CASR: variants seen among roughly 807,000 people sequenced by gnomAD.
CASR encodes extracellular calcium-sensing receptor.
A neutral mutation model predicts 69.1 loss-of-function variants in CASR; 23 were observed. The ratio of observed to expected loss-of-function variants is 0.33; its 90% CI spans 0.24 to 0.47. The LOEUF is 0.47. Ranked by LOEUF, CASR falls within the 20% of genes least tolerant of loss-of-function variation. The pLI is 1.00. For missense variants in CASR, 924 were observed against 1,356.1 expected, an observed-to-expected ratio of 0.68 and a Z score of 5.00; for synonymous variants, 541 against 544.7, an observed-to-expected ratio of 0.99 and a Z score of 0.10.
intron 1 of CASR, among the ~76,000 whole-genome samples, chr3:122,218,528 C>A (rs895381753): frequency 8.1e-6 from 1 of 123,804 alleles, no homozygotes. Flanking sequence ...GGCAACAGAG[C>A]GAGACTCTGT....
At chr3:122,196,776 A>T (rs982789067) in intron 1 of CASR, among the ~76,000 whole-genome samples, 16 of 151,998 alleles carry the variant, frequency 1.1e-4, no homozygotes, top group Non-Finnish European at 2.1e-4. Context: ...TTAATAGGAA[A>T]ATTGTCTGCA....
At chr3:122,203,841 A>G (rs973173616) in intron 1 of CASR, among the ~76,000 whole-genome samples, 1 of 152,222 alleles carries the variant, frequency 6.6e-6, no homozygotes, top group Non-Finnish European at 1.5e-5. Flanking sequence ...TGGGACCACC[A>G]TGGTATATGC....
intron 1 of CASR, among the ~76,000 whole-genome samples, chr3:122,236,465 T>G (rs375546857): frequency 8.5e-5 from 13 of 152,168 alleles, no homozygotes; most frequent in Admixed American, 5.9e-4. Flanking sequence ...GGAACAAAAT[T>G]CATAATGAAT....
At chr3:122,223,504 A>G (rs1374626903) in intron 1 of CASR, among the ~76,000 whole-genome samples, 1 of 152,184 alleles carries the variant, frequency 6.6e-6, no homozygotes, top group Non-Finnish European at 1.5e-5. Flanking sequence ...ACAGGAAAAA[A>G]TTGAAACCTT....
In CASR at chr3:122,288,908, T is replaced by G. The variant is rs2074990283; in HGVS notation, c.*3717T>G. The G allele has an allele frequency of 6.6e-6, 1 of 152,126 alleles. No individual in the cohort carries two copies. The highest frequency in any genetic ancestry group is 2.1e-4 in the South Asian group (1 of 4,832). 9.4% of individuals were successfully genotyped at this position (152,126 alleles called of 1,614,324 possible). A position where few individuals can be genotyped will look rare whatever the true frequency, so the allele number is the denominator to read the frequency against. ...ACTCAAATGAAAGTGTCCTAGAAGA[T>G]TTTAAGAATTTAGGTTGGAAATTTA... is the stretch of plus-strand genomic sequence containing the variant. On this transcript the variant is annotated 3_prime_UTR_variant, in exon 7 of 7. Coordinates refer to ENST00000639785, the MANE Select transcript of CASR (RefSeq NM_000388.4).
chr3:122,201,002 TTTA>T lies in CASR; in HGVS notation c.-243+17193_-243+17195del, dbSNP rs1473361689. ...TTTTGCCCATTGCTTTTCTTTTTTT[TTTA>T]TTTTTTTTTTTTTTATTGATCATTC... is the stretch of plus-strand genomic sequence containing the variant. On this transcript the variant is annotated intron_variant, in intron 1 of 6. Transcript: ENST00000639785. Among the ~76,000 whole-genome samples the T allele has an allele frequency of 4.5e-4, 29 of 63,982 alleles. 1 individual carries two copies. The highest frequency in any genetic ancestry group is 1.0e-3 in the Non-Finnish European group (24 of 23,628). The allele number at this position is 63,982 out of a possible 152,430, so 42.0% of individuals were successfully genotyped here.
chr3:122,184,542 A>G (rs1186084219), intron 1 of CASR: 1 of 156,802 alleles, frequency 6.4e-6, no homozygotes, highest in Non-Finnish European at 1.4e-5. Flanking sequence ...AGGACCGGGG[A>G]ACCCAAGGAG....
chr3:122,213,422 C>G (rs1480398384), intron 1 of CASR, among the ~76,000 whole-genome samples: 2 of 152,224 alleles, frequency 1.3e-5, no homozygotes, highest in Non-Finnish European at 2.9e-5. Context: ...CATGTCCTGA[C>G]TAGAGTTCTC....
At chr3:122,267,651 G>A (rs1395603161) in intron 4 of CASR, among the ~76,000 whole-genome samples, 2 of 152,230 alleles carry the variant, frequency 1.3e-5, no homozygotes, top group Non-Finnish European at 1.5e-5. Context: ...AGTGGGTAGA[G>A]GTTGACTTTC....
chr3:122,202,091 G>T (rs562785550), intron 1 of CASR, among the ~76,000 whole-genome samples: 1 of 152,036 alleles, frequency 6.6e-6, no homozygotes, highest in South Asian at 2.1e-4. Flanking sequence ...AGGTTGTAGC[G>T]AGCCGAGATC....
rs117760834 is a variant in CASR, at chr3:122,222,485, T to C, written c.-242-31463T>C. ...CAACAACAATCTAAAAGGTCAATAA[T>C]AATAATAATCCTTTCTTAGTAGTAG... On this transcript the variant is annotated intron_variant, in intron 1 of 6. Transcript: ENST00000639785. Among the ~76,000 whole-genome samples the C allele has an allele frequency of 2.1e-4, 32 of 152,266 alleles. No individual in the cohort carries two copies. The East Asian group carries it at 5.4e-3, about 26-fold the overall frequency.
intron 1 of CASR, among the ~76,000 whole-genome samples, chr3:122,218,068 C>G (rs565990542): frequency 3.3e-5 from 5 of 151,924 alleles, no homozygotes; most frequent in Admixed American, 2.0e-4. Flanking sequence ...GTGATTCAAA[C>G]AAGATGAACA....
At chr3:122,227,764 T>C (rs1411583054) in intron 1 of CASR, among the ~76,000 whole-genome samples, 1 of 152,068 alleles carries the variant, frequency 6.6e-6, no homozygotes, top group Non-Finnish European at 1.5e-5. Flanking sequence ...GGTTGAAAGC[T>C]GCCTATAGTA....
intron 1 of CASR, among the ~76,000 whole-genome samples, chr3:122,189,158 C>T (rs760963211): frequency 6.6e-6 from 1 of 152,324 alleles, no homozygotes; most frequent in East Asian, 1.9e-4. Context: ...CAGCCTCTGC[C>T]GTGGACAGTC....
At chr3:122,220,679 A>G (rs959689947) in intron 1 of CASR, among the ~76,000 whole-genome samples, 3 of 152,240 alleles carry the variant, frequency 2.0e-5, no homozygotes, top group African/African-American at 7.2e-5. Flanking sequence ...ACATTAAAAT[A>G]TTAAGGACTT....
intron 1 of CASR, among the ~76,000 whole-genome samples, chr3:122,192,073 A>G (rs960862334): frequency 4.6e-5 from 7 of 152,238 alleles, no homozygotes; most frequent in African/African-American, 1.7e-4. Flanking sequence ...ATGCCCAATG[A>G]TGTTCTTCAC....
chr3:122,282,082 G>T, intron 5 of CASR, 31 bp from the exon 6 acceptor site: 1 of 1,614,182 alleles, frequency 6.2e-7, no homozygotes, highest in Non-Finnish European at 8.5e-7. Flanking sequence ...TACAACTACA[G>T]CCACTCACCT....
intron 1 of CASR, 22 bp downstream of exon 1, chr3:122,183,834 T>G (rs1395331415): frequency 6.6e-6 from 1 of 152,144 alleles, no homozygotes; most frequent in African/African-American, 2.4e-5. Context: ...GGCACGCGAT[T>G]TGTATTTATT....
chr3:122,187,660 G>A (rs1041810931), intron 1 of CASR, among the ~76,000 whole-genome samples: 3 of 152,208 alleles, frequency 2.0e-5, no homozygotes, highest in Non-Finnish European at 4.4e-5. Flanking sequence ...TAACGCTTGA[G>A]TTGAATCTTG....
Sources: gnomAD v4.1 joint callset for allele counts (sites outside exome capture counted in the v4.1 genomes callset) on GRCh38, gnomAD v4.1.1 for gene constraint, MANE v1.5 for transcripts, NCBI Gene and HGNC (gene_info 2026-07-23, HGNC 2026-07-21) for gene names.